PALS2: variants seen among roughly 807,000 people sequenced by gnomAD.
The protein encoded by PALS2 is protein PALS2.
PALS2 carries 27 observed loss-of-function variants against 61.6 expected under a neutral mutation model. The ratio of observed to expected loss-of-function variants is 0.44; its 90% CI spans 0.32 to 0.60. PALS2 has a LOEUF of 0.60. PALS2 is among the 20% of genes least tolerant of loss of function. PALS2 has a pLI of 0.05. For missense variants in PALS2, 554 were observed against 639.4 expected (o/e 0.87, Z 1.44); for synonymous variants, 236 against 218.6 (o/e 1.08, Z -0.70).
rs180964934 is a variant in PALS2 at position 24,658,084 on chromosome 7, A to G, written c.652-5506A>G. On this transcript the variant is annotated intron_variant, in intron 5 of 11. Coordinates refer to ENST00000222644, the MANE Select transcript of PALS2 (RefSeq NM_001303037.2). ...ATATTAGGCCCATTGAAGTTGTCCC[A>G]TGGGTCACTGATTAGTTCATTTATT... Among the ~76,000 whole-genome samples, 41 of 152,188 alleles carry G rather than the reference A, an allele frequency of 2.7e-4. No homozygotes were observed. In the South Asian group the frequency reaches 7.2e-3, roughly 27 times the overall value.
chr7:24,616,544 T>C (rs1784298887), intron 1 of PALS2, among the ~76,000 whole-genome samples: 1 of 152,172 alleles, frequency 6.6e-6, no homozygotes, highest in South Asian at 2.1e-4. Context: ...GCTTTCCCTC[T>C]GTGTGTCTTC....
intron 9 of PALS2, among the ~76,000 whole-genome samples, chr7:24,672,631 C>T (rs1409957921): frequency 6.6e-6 from 1 of 152,128 alleles, no homozygotes; most frequent in Admixed American, 6.6e-5. Flanking sequence ...GCTTTTGTCA[C>T]ATTTATTCCT....
chr7:24,629,810 TTAAAAAG>T (rs1401182155), intron 2 of PALS2, among the ~76,000 whole-genome samples: 8 of 152,284 alleles, frequency 5.3e-5, no homozygotes, highest in African/African-American at 1.9e-4. Context: ...ATGGTGATCA[TTAAAAAG>T]TCTGGAAACA....
At chr7:24,581,871 T>G (rs1445207735) in intron 1 of PALS2, among the ~76,000 whole-genome samples, 2 of 152,240 alleles carry the variant, frequency 1.3e-5, no homozygotes, top group African/African-American at 4.8e-5. Flanking sequence ...TTTGGCTGAC[T>G]GAAAGTGATT....
rs1242444170 is a variant in PALS2 at position 24,573,881 on chromosome 7, G to A, written c.-3+288G>A. On this transcript the variant is annotated intron_variant, in intron 1 of 11. Coordinates refer to ENST00000222644, the MANE Select transcript of PALS2 (RefSeq NM_001303037.2). This position sits in a 1 kb window ranked among gnomAD's most constrained non-coding sequence, Gnocchi z 5.3. ...CGGGCGGCTGGGCGGGCCGGAGCTCGGCAACGTGTCTGGCCCATGCTGCTT... is the reference window on the plus strand; with the variant it reads ...CGGGCGGCTGGGCGGGCCGGAGCTCAGCAACGTGTCTGGCCCATGCTGCTT... 1 of 151,680 alleles carries A rather than the reference G, an allele frequency of 6.6e-6. No individual in the cohort carries two copies. The highest frequency in any genetic ancestry group is 1.5e-5 in the Non-Finnish European group (1 of 68,002). The allele number at this position is 151,680 out of a possible 1,614,324, so 9.4% of individuals were successfully genotyped here.
rs77550754 is a variant in PALS2 at position 24,622,295 on chromosome 7, C to A, written c.-2-1371C>A. 5.2e-3 allele frequency among the ~76,000 whole-genome samples: 794 copies of A among 152,058 alleles called. 7 individuals carry two copies. The highest frequency in any genetic ancestry group is 0.017 in the African/African-American group (726 of 41,488). On this transcript the variant is annotated intron_variant, in intron 1 of 11. Transcript: ENST00000222644. ...CATTTTAATAATAAGTCCTCTGATCCATGAACATGGGATGTCATTCCCTTT... is the reference window on the plus strand; with the variant it reads ...CATTTTAATAATAAGTCCTCTGATCAATGAACATGGGATGTCATTCCCTTT...
chr7:24,628,645 G>A (rs1784854759), intron 2 of PALS2, among the ~76,000 whole-genome samples: 1 of 152,036 alleles, frequency 6.6e-6, no homozygotes, highest in Non-Finnish European at 1.5e-5. Context: ...CTTCAGCAAA[G>A]TCTCAGGATA....
chr7:24,679,852 A>T (rs999450311), intron 10 of PALS2, among the ~76,000 whole-genome samples: 10 of 152,098 alleles, frequency 6.6e-5, no homozygotes, highest in Non-Finnish European at 1.5e-4. Context: ...TAGTCATTTC[A>T]CTATGCCTTA....
intron 1 of PALS2, among the ~76,000 whole-genome samples, chr7:24,605,959 A>G (rs1277163369): frequency 2.0e-5 from 3 of 152,142 alleles, no homozygotes; most frequent in Non-Finnish European, 4.4e-5. Context: ...CATGCTTGGC[A>G]TCATTTCTCA....
chr7:24,582,387 A>G (rs1293252042), intron 1 of PALS2, among the ~76,000 whole-genome samples: 1 of 151,608 alleles, frequency 6.6e-6, no homozygotes, highest in Non-Finnish European at 1.5e-5. Context: ...GGTGAGGGCT[A>G]ATGTCAGTTG....
intron 2 of PALS2, among the ~76,000 whole-genome samples, chr7:24,640,057 T>A (rs1337699958): frequency 2.0e-5 from 3 of 152,084 alleles, no homozygotes; most frequent in Admixed American, 1.3e-4. Flanking sequence ...GCTCAAGTGA[T>A]CTGCCCATCT....
intron 5 of PALS2, among the ~76,000 whole-genome samples, chr7:24,658,193 T>A (rs1786524996): frequency 6.6e-6 from 1 of 152,216 alleles, no homozygotes; most frequent in African/African-American, 2.4e-5. Context: ...TTTTGCAATG[T>A]CTAATCTGCT....
At chr7:24,677,960 T>C (rs1787707961) in intron 9 of PALS2, among the ~76,000 whole-genome samples, 1 of 152,210 alleles carries the variant, frequency 6.6e-6, no homozygotes, top group African/African-American at 2.4e-5. Flanking sequence ...TTAGGCTTAT[T>C]AGAAATAGTC....
intron 2 of PALS2, among the ~76,000 whole-genome samples, chr7:24,630,333 G>A (rs2128062234): frequency 6.6e-6 from 1 of 152,204 alleles, no homozygotes; most frequent in South Asian, 2.1e-4. Context: ...CCTGTCGGGG[G>A]TTTGGGAGGC....
chr7:24,634,732 T>C (rs371821206), intron 2 of PALS2, among the ~76,000 whole-genome samples: 4 of 152,334 alleles, frequency 2.6e-5, no homozygotes, highest in South Asian at 4.1e-4. Context: ...GTATACGATA[T>C]TACGTTAGGC....
rs188197787 is a variant in PALS2, at chr7:24,597,976, G to A, written c.-3+24383G>A. Among the ~76,000 whole-genome samples the A allele has an allele frequency of 1.5e-3, 222 of 152,186 alleles. 2 individuals are homozygous for A. Among genetic ancestry groups the A allele is most frequent in the Non-Finnish European group, 2.6e-3 (175 of 67,986 alleles). On this transcript the variant is annotated intron_variant, in intron 1 of 11. Transcript: ENST00000222644. ...ATTTGAGAATATTGCAATACTTGGG[G>A]ATAAGAATAGGAAGGAAGGCCCTGG...
chr7:24,577,271 CTTTTTTTT>C (rs59851624), intron 1 of PALS2, among the ~76,000 whole-genome samples: 1 of 131,334 alleles, frequency 7.6e-6, no homozygotes, highest in Non-Finnish European at 1.7e-5. Flanking sequence ...TCCTTTTTTC[CTTTTTTTT>C]TTTTTTTAAT....
intron 1 of PALS2, chr7:24,620,106 TGGA>T: frequency 6.6e-6 from 1 of 152,312 alleles, no homozygotes; most frequent in East Asian, 1.9e-4. Context: ...ATTTGAAGTT[TGGA>T]GAAGAAAGGG....
intron 1 of PALS2, among the ~76,000 whole-genome samples, chr7:24,579,509 C>T (rs974443734): frequency 2.0e-5 from 3 of 152,110 alleles, no homozygotes; most frequent in African/African-American, 4.8e-5. Context: ...CAGGCTTCCT[C>T]CCCCAAAAAG....
Sources: allele counts gnomAD v4.1 joint callset (sites outside exome capture counted in the v4.1 genomes callset), GRCh38; gene constraint gnomAD v4.1.1; non-coding constraint Gnocchi (gnomAD v3.1); transcripts MANE v1.5; gene names NCBI Gene and HGNC (gene_info 2026-07-23, HGNC 2026-07-21).